The following TMEM217 variants were observed in gnomAD, a reference collection of about 807,000 sequenced individuals.
The protein encoded by TMEM217 is chromosome 6 open reading frame 128.
For missense variants in TMEM217, 204 were observed against 248.8 expected, an observed-to-expected ratio of 0.82 and a Z score of 1.21; for synonymous variants, 76 against 88.3, an observed-to-expected ratio of 0.86 and a Z score of 0.78.
intron 1 of TMEM217, among the ~76,000 whole-genome samples, chr6:37,225,306 A>G (rs371918805): frequency 3.4e-4 from 51 of 152,198 alleles, no homozygotes; most frequent in African/African-American, 1.2e-3. Flanking sequence ...AGGGGCACAT[A>G]GATAATTATG....
At chr6:37,257,880 C>G (rs745740447) in exon 1 of TMEM217, 13 of 1,608,084 alleles carry the variant, frequency 8.1e-6, no homozygotes, top group Non-Finnish European at 1.1e-5. Context: ...CCGGGCAAAC[C>G]CTTGGCCCGC....
downstream of TMEM217, among the ~76,000 whole-genome samples, chr6:37,215,994 G>GGTGTGT (rs60725183): frequency 6.0e-3 from 892 of 149,152 alleles, 5 homozygotes; most frequent in South Asian, 8.7e-3. Flanking sequence ...GGTTCTTCAG[G>GGTGTGT]GTGTGTGTGT....
exon 1 of TMEM217, chr6:37,258,121 AG>A: frequency 2.3e-6 from 2 of 881,160 alleles, no homozygotes; most frequent in Admixed American, 3.2e-5. Flanking sequence ...GGCAGCTGTC[AG>A]GCAGCGAAGC....
chr6:37,223,697 C>T (rs546497990), intron 1 of TMEM217, among the ~76,000 whole-genome samples: 2 of 152,042 alleles, frequency 1.3e-5, no homozygotes, highest in East Asian at 1.9e-4. Flanking sequence ...TTAGTAGAGA[C>T]GGGGTTTCAC....
chr6:37,241,431 G>A (rs191007499), intron 1 of TMEM217, among the ~76,000 whole-genome samples: 30 of 152,264 alleles, frequency 2.0e-4, no homozygotes, highest in African/African-American at 6.5e-4. Flanking sequence ...TGTACCTGGA[G>A]AGGGGACTGG....
chr6:37,257,106 G>T (rs1253195051), intron 1 of TMEM217, among the ~76,000 whole-genome samples: 1 of 152,152 alleles, frequency 6.6e-6, no homozygotes, highest in African/African-American at 2.4e-5. Flanking sequence ...AATCTGAGTT[G>T]GACAGCTATC....
chr6:37,243,218 A>G (rs547060110), intron 1 of TMEM217, among the ~76,000 whole-genome samples: 1 of 152,112 alleles, frequency 6.6e-6, no homozygotes, highest in African/African-American at 2.4e-5. Context: ...AAGGGCTATT[A>G]CTCTCTGTTT....
At chr6:37,226,611 C>T (rs111812146) in intron 1 of TMEM217, among the ~76,000 whole-genome samples, 7,883 of 151,750 alleles carry the variant, frequency 0.052, 295 homozygotes, top group Middle Eastern at 0.12. Context: ...CAGAGTCTTG[C>T]TCTGTTGCCC....
chr6:37,214,739 C>A (rs980782136), downstream of TMEM217, among the ~76,000 whole-genome samples: 5 of 152,136 alleles, frequency 3.3e-5, no homozygotes, highest in African/African-American at 7.2e-5. Context: ...CAGATTCATC[C>A]CAAATATTCT....
At chr6:37,240,578 T>C (rs969642563) in intron 1 of TMEM217, among the ~76,000 whole-genome samples, 3 of 152,184 alleles carry the variant, frequency 2.0e-5, no homozygotes, top group Admixed American at 6.5e-5. Context: ...AGCTATTTAA[T>C]TGGTCACACT....
At chr6:37,215,170 T>C (rs771332214), downstream of TMEM217, 3 of 1,609,394 alleles carry the variant, frequency 1.9e-6, no homozygotes, top group South Asian at 3.3e-5. Context: ...CAAGGTCCTC[T>C]GGTACATTCT....
chr6:37,230,207 G>A (rs1171154802), intron 1 of TMEM217, among the ~76,000 whole-genome samples: 1 of 152,208 alleles, frequency 6.6e-6, no homozygotes, highest in Non-Finnish European at 1.5e-5. Context: ...TCTAACTGGA[G>A]AAAGTTCTCT....
At chr6:37,226,045 T>A (rs1214734972) in intron 1 of TMEM217, among the ~76,000 whole-genome samples, 2 of 152,182 alleles carry the variant, frequency 1.3e-5, no homozygotes, top group Non-Finnish European at 2.9e-5. Flanking sequence ...CACATTATAC[T>A]ACCTAAACTT....
chr6:37,242,744 C>G (rs1177855736), intron 1 of TMEM217, among the ~76,000 whole-genome samples: 1 of 152,168 alleles, frequency 6.6e-6, no homozygotes, highest in Non-Finnish European at 1.5e-5. Context: ...GCTCATCTCT[C>G]AAGGTATTCA....
downstream of TMEM217, among the ~76,000 whole-genome samples, chr6:37,214,965 G>GAATTGTCT (rs1274185603): frequency 1.3e-5 from 2 of 152,134 alleles, no homozygotes; most frequent in African/African-American, 4.8e-5. Flanking sequence ...GTACTCACCT[G>GAATTGTCT]AATTGTCTAA....
rs569528880 is a variant in TMEM217 at position 37,239,687 on chromosome 6, T to C, written c.-12+17881A>G. Among the ~76,000 whole-genome samples, 13 of 152,176 alleles carry C rather than the reference T, an allele frequency of 8.5e-5. No individual in the cohort carries two copies. The South Asian group carries it at 2.5e-3, about 29-fold the overall frequency. ...TCATCAAGTTGACTTGTGATCTCAG[T>C]AGAATATGTTGCTGCCAACTCATTT... On this transcript the variant is annotated intron_variant, in intron 1 of 1. Coordinates refer to ENST00000357219, the Ensembl canonical transcript of TMEM217.
intron 1 of TMEM217, among the ~76,000 whole-genome samples, chr6:37,248,160 A>G (rs1765199545): frequency 6.6e-6 from 1 of 152,142 alleles, no homozygotes; most frequent in Admixed American, 6.5e-5. Context: ...TTCTTAGGAC[A>G]TATTATAGTA....
chr6:37,218,802 G>A (rs1284151390), exon 2 of TMEM217: 1 of 1,614,068 alleles, frequency 6.2e-7, no homozygotes, highest in Non-Finnish European at 8.5e-7. Context: ...CAGCTGATGA[G>A]GATGGTGATG....
exon 2 of TMEM217, chr6:37,218,957 G>C: frequency 1.2e-6 from 2 of 1,614,162 alleles, no homozygotes; most frequent in Non-Finnish European, 1.7e-6. Context: ...CATGTCTACG[G>C]CCATGATGGT....
Sources: allele counts gnomAD v4.1 joint callset (sites outside exome capture counted in the v4.1 genomes callset), GRCh38; gene constraint gnomAD v4.1.1; transcripts MANE v1.5; gene names NCBI Gene and HGNC (gene_info 2026-07-23, HGNC 2026-07-21).